Variants in KCNH8 observed in about 807,000 individuals in gnomAD.
KCNH8 encodes voltage-gated delayed rectifier potassium channel KCNH8.
KCNH8 carries 70 observed loss-of-function variants against 103.6 expected under a neutral mutation model. The ratio of observed to expected loss-of-function variants is 0.68; its 90% CI spans 0.56 to 0.82. KCNH8 has a LOEUF of 0.82. KCNH8 is among the 40% of genes least tolerant of loss of function. KCNH8 has a pLI of 0.00. For missense variants in KCNH8, 1,217 were observed against 1,329.9 expected (o/e 0.92, Z 1.32); for synonymous variants, 498 against 489.4 (o/e 1.02, Z -0.23).
At chr3:19,434,109 T>C (rs1349112778) in intron 7 of KCNH8, among the ~76,000 whole-genome samples, 1 of 152,192 alleles carries the variant, frequency 6.6e-6, no homozygotes, top group Non-Finnish European at 1.5e-5. Flanking sequence ...CTTTGAACTT[T>C]TGTGTAAATC....
chr3:19,398,314 G>A (rs2066555890), intron 7 of KCNH8, among the ~76,000 whole-genome samples: 1 of 151,924 alleles, frequency 6.6e-6, no homozygotes, highest in African/African-American at 2.4e-5. Flanking sequence ...TAGAGGGGTG[G>A]CACTAAATCT....
intron 7 of KCNH8, among the ~76,000 whole-genome samples, chr3:19,426,014 G>A (rs746622091): frequency 2.0e-4 from 31 of 152,176 alleles, no homozygotes; most frequent in Non-Finnish European, 3.8e-4. Flanking sequence ...CTTTAAATGT[G>A]TCAGGGCTGT....
chr3:19,478,966 G>A (rs1413507854), intron 11 of KCNH8, among the ~76,000 whole-genome samples: 1 of 152,180 alleles, frequency 6.6e-6, no homozygotes, highest in Admixed American at 6.6e-5. Flanking sequence ...GTAAATGACT[G>A]AGAAATAAAG....
At chr3:19,403,996 G>A (rs1308862132) in intron 7 of KCNH8, among the ~76,000 whole-genome samples, 1 of 151,862 alleles carries the variant, frequency 6.6e-6, no homozygotes, top group Non-Finnish European at 1.5e-5. Context: ...TTTGTGTGAG[G>A]AGGCAGTGCA....
chr3:19,192,031 C>T (rs1317988302), intron 1 of KCNH8, among the ~76,000 whole-genome samples: 1 of 151,382 alleles, frequency 6.6e-6, no homozygotes, highest in Admixed American at 6.6e-5. Flanking sequence ...ATGGTTTTCT[C>T]CACTGGTCTC....
chr3:19,258,069 C>G (rs1352588639), intron 2 of KCNH8, among the ~76,000 whole-genome samples: 1 of 151,974 alleles, frequency 6.6e-6, no homozygotes, highest in East Asian at 1.9e-4. Context: ...GGATTTGGTC[C>G]TACTCTAATG....
At chr3:19,242,074 A>T (rs2064149483) in intron 1 of KCNH8, among the ~76,000 whole-genome samples, 1 of 152,188 alleles carries the variant, frequency 6.6e-6, no homozygotes, top group African/African-American at 2.4e-5. Flanking sequence ...AACATTCTTG[A>T]GTATAAAATA....
chr3:19,263,363 A>T (rs2064461861), intron 2 of KCNH8, among the ~76,000 whole-genome samples: 2 of 152,116 alleles, frequency 1.3e-5, no homozygotes, highest in Admixed American at 1.3e-4. Context: ...AAATAACAAT[A>T]ACTATATCTT....
At chr3:19,480,441 TAAATC>T (rs2068064759) in intron 11 of KCNH8, among the ~76,000 whole-genome samples, 1 of 152,130 alleles carries the variant, frequency 6.6e-6, no homozygotes, top group Admixed American at 6.6e-5. Context: ...ATAGATGAAA[TAAATC>T]AAAGGACTAC....
intron 4 of KCNH8, among the ~76,000 whole-genome samples, chr3:19,344,089 G>A (rs2065698160): frequency 6.6e-6 from 1 of 151,758 alleles, no homozygotes; most frequent in South Asian, 2.1e-4. Flanking sequence ...GCTTGAAACA[G>A]TGCACACCAC....
rs745652181 is a variant in KCNH8, at chr3:19,513,045, G to A, written c.2155G>A (p.Gly719Arg). 10 of 1,613,498 alleles carry A rather than the reference G, an allele frequency of 6.2e-6. No homozygotes were observed. In the East Asian group the frequency reaches 1.6e-4, roughly 25 times the overall value. ...GGAAGATGAGGAAGAGGAGGAGGAG[G>A]GGGAGGAAGAGGAGGCAGTCTCCCT... ...IVEDEEEEEE[G>R]EEEEAVSLSP... is the part of the protein sequence containing the mutation. The change falls in exon 13 of 16, where the codon GGG becomes AGG. Residue 719 changes from glycine to arginine, a missense_variant. This residue lies in a region of KCNH8 where 558 missense variants were observed against 495.8 expected (regional missense o/e 1.13). Transcript: ENST00000328405.
At chr3:19,459,233 C>CT (rs917618403) in intron 11 of KCNH8, among the ~76,000 whole-genome samples, 4 of 151,426 alleles carry the variant, frequency 2.6e-5, no homozygotes, top group South Asian at 2.1e-4. Flanking sequence ...GCAGGGGTTC[C>CT]TTTTTTTTCA....
At chr3:19,418,583 C>T (rs1486785449) in intron 7 of KCNH8, among the ~76,000 whole-genome samples, 1 of 152,002 alleles carries the variant, frequency 6.6e-6, no homozygotes, top group Non-Finnish European at 1.5e-5. Flanking sequence ...GCCCATTAGT[C>T]ACTAATTTGC....
At chr3:19,392,381 C>CT (rs1409628163) in intron 6 of KCNH8, among the ~76,000 whole-genome samples, 5 of 150,746 alleles carry the variant, frequency 3.3e-5, no homozygotes, top group African/African-American at 1.2e-4. Context: ...ACTTGTTCTG[C>CT]TTTTCACAGG....
intron 1 of KCNH8, among the ~76,000 whole-genome samples, chr3:19,170,902 C>G (rs2063342401): frequency 1.3e-5 from 2 of 150,436 alleles, no homozygotes; most frequent in Non-Finnish European, 3.0e-5. Context: ...AGCTCCGCCT[C>G]CTGGGTTCAA....
intron 8 of KCNH8, among the ~76,000 whole-genome samples, chr3:19,441,259 A>G (rs916676223): frequency 2.0e-5 from 3 of 152,142 alleles, no homozygotes; most frequent in African/African-American, 2.4e-5. Flanking sequence ...ATGTTCTGAT[A>G]ACTGCACTTC....
intron 15 of KCNH8, among the ~76,000 whole-genome samples, chr3:19,518,594 T>A (rs2068915988): frequency 6.6e-6 from 1 of 152,008 alleles, no homozygotes; most frequent in Non-Finnish European, 1.5e-5. Context: ...TTTATTGAGG[T>A]ATATTTATAT....
intron 11 of KCNH8, among the ~76,000 whole-genome samples, chr3:19,468,382 A>G (rs547189704): frequency 6.4e-4 from 98 of 152,340 alleles, no homozygotes; most frequent in African/African-American, 2.2e-3. Flanking sequence ...ATGGCCAGTA[A>G]GTAGAGTCTA....
intron 15 of KCNH8, among the ~76,000 whole-genome samples, chr3:19,525,824 A>G (rs1258302751): frequency 6.6e-6 from 1 of 151,958 alleles, no homozygotes; most frequent in Non-Finnish European, 1.5e-5. Context: ...CCAGCTGTAG[A>G]CAAAGATTTA....
Sources: gnomAD v4.1 joint callset for allele counts (sites outside exome capture counted in the v4.1 genomes callset) on GRCh38, gnomAD v4.1.1 for gene constraint, gnomAD v4.1.1 regional missense constraint, MANE v1.5 for transcripts, NCBI Gene and HGNC (gene_info 2026-07-23, HGNC 2026-07-21) for gene names.